The following RIN2 variants were observed in gnomAD, a reference collection of about 807,000 sequenced individuals.
RIN2 encodes RAB5 interacting protein 2.
A neutral mutation model predicts 78.0 loss-of-function variants in RIN2; 36 were observed. The ratio of observed to expected loss-of-function variants is 0.46; its 90% CI spans 0.35 to 0.61. The LOEUF (loss-of-function observed/expected upper bound fraction) is 0.61, where lower values mean the gene tolerates loss of function less well. Among genes scored for constraint, RIN2 ranks in the 20% least tolerant of loss-of-function variants. RIN2 has a pLI of 0.00. For synonymous variants in RIN2, 466 were observed against 466.8 expected (o/e 1.00, Z 0.02); for missense variants, 1,087 against 1,159.7 (o/e 0.94, Z 0.91).
chr20:19,787,300 GT>G (rs1568751452), intron 1 of RIN2, among the ~76,000 whole-genome samples: 1 of 151,722 alleles, frequency 6.6e-6, no homozygotes, highest in Non-Finnish European at 1.5e-5. Context: ...GCGTGCAGCT[GT>G]AATCCTAGCT....
chr20:19,827,489 T>C (rs142614142), intron 2 of RIN2, among the ~76,000 whole-genome samples: 273 of 152,312 alleles, frequency 1.8e-3, no homozygotes, highest in African/African-American at 6.1e-3. Context: ...GCCTTCTCTG[T>C]TTTTGAAGCC....
chr20:19,829,783 G>A (rs1292271976), intron 2 of RIN2, among the ~76,000 whole-genome samples: 1 of 152,166 alleles, frequency 6.6e-6, no homozygotes, highest in Non-Finnish European at 1.5e-5. Context: ...AAGGGGTCAG[G>A]AAGCTGCTGA....
chr20:19,838,786 G>A (rs957023166), intron 2 of RIN2, among the ~76,000 whole-genome samples: 7 of 152,086 alleles, frequency 4.6e-5, no homozygotes, highest in African/African-American at 1.7e-4. Flanking sequence ...CCTGCACTCC[G>A]GCGTCTATTT....
At chr20:19,936,098 C>T (rs1352320194) in intron 4 of RIN2, among the ~76,000 whole-genome samples, 7 of 152,184 alleles carry the variant, frequency 4.6e-5, no homozygotes, top group African/African-American at 1.4e-4. Flanking sequence ...CATACGCTGA[C>T]GGGAGAGAGC....
intron 2 of RIN2, among the ~76,000 whole-genome samples, chr20:19,800,779 A>G (rs1165487979): frequency 6.6e-6 from 1 of 152,256 alleles, no homozygotes; most frequent in Non-Finnish European, 1.5e-5. Flanking sequence ...TGTTGTTTTC[A>G]GCTATTTCAT....
intron 2 of RIN2, chr20:19,823,314 T>A: frequency 1.7e-6 from 1 of 592,446 alleles, no homozygotes; most frequent in Non-Finnish European, 3.0e-6. Context: ...AATGAAGTTC[T>A]CATCTTACTC....
At chr20:19,902,889 T>C (rs2039047163) in intron 3 of RIN2, among the ~76,000 whole-genome samples, 1 of 152,094 alleles carries the variant, frequency 6.6e-6, no homozygotes, top group African/African-American at 2.4e-5. Context: ...GTCAGGAGAT[T>C]GAGACCATCC....
intron 2 of RIN2, among the ~76,000 whole-genome samples, chr20:19,810,995 A>G (rs1373988854): frequency 1.7e-4 from 26 of 151,040 alleles, no homozygotes; most frequent in South Asian, 4.2e-4. Flanking sequence ...ACAGGCGTGA[A>G]CCACCGTGCC....
intron 4 of RIN2, among the ~76,000 whole-genome samples, chr20:19,942,118 A>AAAAAAAAAAAAAAAAAAAG (rs61328325): frequency 7.0e-6 from 1 of 143,000 alleles, no homozygotes; most frequent in Non-Finnish European, 1.5e-5. Context: ...TCAAAAAAAA[A>AAAAAAAAAAAAAAAAAAAG]AAAAGAAAGA....
At chr20:19,774,447 A>G (rs950902482) in intron 1 of RIN2, among the ~76,000 whole-genome samples, 1 of 152,250 alleles carries the variant, frequency 6.6e-6, no homozygotes, top group Admixed American at 6.5e-5. Flanking sequence ...AGCGGGAAAA[A>G]GATCAAGAGT....
chr20:19,863,579 C>T lies in RIN2; in HGVS notation c.-36-25987C>T, dbSNP rs76823481. On this transcript the variant is annotated intron_variant, in intron 2 of 12. Coordinates refer to ENST00000255006, the MANE Select transcript of RIN2 (RefSeq NM_018993.4). ...AGCATTACTCTGTGAGATTAAACTC[C>T]ATTTGTCCACAGCTGTCAATGGCTT... Among the ~76,000 whole-genome samples, 785 of 152,314 alleles carry T rather than the reference C, an allele frequency of 5.2e-3. 6 individuals carry two copies. The highest frequency in any genetic ancestry group is 0.018 in the African/African-American group (748 of 41,554).
intron 2 of RIN2, among the ~76,000 whole-genome samples, chr20:19,800,194 T>C (rs1439188456): frequency 6.6e-6 from 1 of 152,228 alleles, no homozygotes; most frequent in Non-Finnish European, 1.5e-5. Context: ...TACTTCTCTT[T>C]CTTCAGTTCC....
chr20:19,856,512 G>T (rs1424986879), intron 2 of RIN2, among the ~76,000 whole-genome samples: 20 of 148,786 alleles, frequency 1.3e-4, no homozygotes, highest in Admixed American at 1.3e-3. Context: ...CAGGCTGGGA[G>T]AGAGAGTGAG....
chr20:19,933,647 TG>T (rs1405401464), intron 3 of RIN2, among the ~76,000 whole-genome samples: 4 of 152,146 alleles, frequency 2.6e-5, no homozygotes, highest in Admixed American at 6.5e-5. Context: ...AGTGAATAGA[TG>T]GGGTCACATT....
At chr20:19,865,127 G>A (rs2037462455) in intron 2 of RIN2, among the ~76,000 whole-genome samples, 1 of 152,162 alleles carries the variant, frequency 6.6e-6, no homozygotes, top group African/African-American at 2.4e-5. Context: ...TTTCCATGGT[G>A]TAAATAAATA....
At chr20:19,962,315 A>T (rs1208941856) in intron 6 of RIN2, among the ~76,000 whole-genome samples, 1 of 146,972 alleles carries the variant, frequency 6.8e-6, no homozygotes, top group East Asian at 2.0e-4. Context: ...AAAAATATTA[A>T]AAAAAAAAAA....
rs192059022 is a variant in RIN2 at position 19,767,828 on chromosome 20, G to T, written c.-163+9501G>T. On this transcript the variant is annotated intron_variant, in intron 1 of 12. Transcript: ENST00000255006. ...TAATCCCAGCTACTCAGGAGGCTGAGGTAGGAGAATCACTTGAACCTGAGA... is the reference window on the plus strand; with the variant it reads ...TAATCCCAGCTACTCAGGAGGCTGATGTAGGAGAATCACTTGAACCTGAGA... Among the ~76,000 whole-genome samples the T allele has an allele frequency of 1.4e-3, 215 of 151,176 alleles. 1 individual carries two copies. Among genetic ancestry groups the T allele is most frequent in the African/African-American group, 5.0e-3 (205 of 41,290 alleles).
At position 20,000,594 on chromosome 20, in the gene RIN2, A is replaced by G. The variant is rs778611555; in HGVS notation, c.2365-19A>G. 1.9e-6 allele frequency: 3 copies of G among 1,572,572 alleles called. No individual in the cohort carries two copies. Among genetic ancestry groups the G allele is most frequent in the South Asian group, 2.4e-5 (2 of 84,866 alleles). On this transcript the variant is annotated intron_variant, in intron 12 of 12. Coordinates refer to ENST00000255006, the MANE Select transcript of RIN2 (RefSeq NM_018993.4). ...AGTTTTCTCTTCTGACTGTCTCAACATTCCTCTTCCACCTGCAGAATTACC... is the reference window on the plus strand; with the variant it reads ...AGTTTTCTCTTCTGACTGTCTCAACGTTCCTCTTCCACCTGCAGAATTACC...
chr20:19,990,888 T>G (rs1320878135), intron 10 of RIN2, among the ~76,000 whole-genome samples: 2 of 152,198 alleles, frequency 1.3e-5, no homozygotes, highest in African/African-American at 2.4e-5. Flanking sequence ...TGGCTAGCCC[T>G]TCTTTGCTAC....
Sources: allele counts gnomAD v4.1 joint callset (sites outside exome capture counted in the v4.1 genomes callset), GRCh38; gene constraint gnomAD v4.1.1; transcripts MANE v1.5; gene names NCBI Gene and HGNC (gene_info 2026-07-23, HGNC 2026-07-21).